The following YY1AP1 variants were observed in gnomAD, a reference collection of about 807,000 sequenced individuals.
YY1AP1 encodes YY1-associated protein 1.
Under a neutral mutation model 39.9 loss-of-function variants are expected in YY1AP1, and 43 were observed. The observed-to-expected ratio is 1.08, with a 90% CI of 0.84 to 1.39. The LOEUF is 1.39. YY1AP1 is among the 40% of genes most tolerant of loss of function. YY1AP1 has a pLI of 0.00. For synonymous variants in YY1AP1, 292 were observed against 331.3 expected (o/e 0.88, Z 1.29); for missense variants, 813 against 900.7 (o/e 0.90, Z 1.25).
Position 155,670,428 on chromosome 1 carries a change from C to G in YY1AP1, c.620G>C (p.Trp207Ser). 3 of 1,614,154 alleles carry G rather than the reference C, an allele frequency of 1.9e-6. No homozygotes were observed. Among genetic ancestry groups the G allele is most frequent in the Non-Finnish European group, 2.5e-6 (3 of 1,180,038 alleles). ...EFPCLPKQVA[W>S]ILATSKVFMY... ...GAAAACCTTGCTTGTGGCCAGGATC[C>G]AAGCCACTTGCTTTGGCAAACAGGG... is the stretch of plus-strand genomic sequence containing the variant. The change falls in exon 8 of 11, where the codon TGG (tryptophan) becomes TCG (serine). Residue 207 changes from tryptophan (W) to serine (S), a missense_variant. This residue lies in a region of YY1AP1 where 31 missense variants were observed against 63.7 expected (regional missense o/e 0.49). Coordinates refer to ENST00000355499, the MANE Select transcript of YY1AP1 (RefSeq NM_139119.3).
intron 8 of YY1AP1, among the ~76,000 whole-genome samples, chr1:155,669,952 G>C (rs1649599006): frequency 6.6e-6 from 1 of 152,188 alleles, no homozygotes; most frequent in South Asian, 2.1e-4. Context: ...TTGATCCCAG[G>C]AGTTCAAGGC....
rs1012786980 is a variant in YY1AP1, at chr1:155,660,902, T to C, written c.1008A>G (p.Pro336=). 2 of 1,614,072 alleles carry C rather than the reference T, an allele frequency of 1.2e-6. No homozygotes were observed. The highest frequency in any genetic ancestry group is 1.7e-6 in the Non-Finnish European group (2 of 1,180,050). The change falls in exon 11 of 11, where the codon CCA becomes CCG. Residue 336 remains proline (P), a synonymous_variant. Coordinates refer to ENST00000355499, the MANE Select transcript of YY1AP1 (RefSeq NM_139119.3). The stretch of plus-strand genomic sequence containing the variant: ...TGTGCCGCAGTTCTTCCTGGATGGA[T>C]GGCAGACTGGCCTATTGGAAATGAG... ...RLPFWLKASL[P]SIQEELRHMA...
intron 3 of YY1AP1, 129 bp downstream of exon 3, chr1:155,680,287 T>G: frequency 2.0e-6 from 2 of 1,013,434 alleles, no homozygotes; most frequent in South Asian, 2.9e-5. Context: ...TTATATTCTT[T>G]CCCAGGTAGA....
chr1:155,688,004 A>G (rs1652765255), intron 2 of YY1AP1, 67 bp downstream of exon 2: 17 of 1,490,462 alleles, frequency 1.1e-5, no homozygotes, highest in Non-Finnish European at 1.5e-5. Flanking sequence ...TGGCTCCCAG[A>G]AAGCCCAGGA....
chr1:155,675,319 T>C (rs748626048), intron 5 of YY1AP1, among the ~76,000 whole-genome samples: 13 of 151,158 alleles, frequency 8.6e-5, no homozygotes, highest in Non-Finnish European at 1.6e-4. Flanking sequence ...GGCTAATTTA[T>C]TTTATTATTA....
At chr1:155,688,416 C>T in intron 1 of YY1AP1, 2 of 1,545,990 alleles carry the variant, frequency 1.3e-6, no homozygotes, top group Non-Finnish European at 1.7e-6. Flanking sequence ...CCACTCCTCC[C>T]TCCTCGCGTT....
chr1:155,659,731 A>G lies in YY1AP1; in HGVS notation c.2179T>C (p.Ser727Pro), dbSNP rs556811436. 3 of 1,614,160 alleles carry G rather than the reference A, an allele frequency of 1.9e-6. No individual in the cohort carries two copies. Among genetic ancestry groups the G allele is most frequent in the African/African-American group, 2.7e-5 (2 of 75,024 alleles). ...QGIQESLNNS[S>P]PGDLEEVVKM... is the part of the protein sequence containing the mutation. ...ACAACTTCCTCTAAATCCCCAGGGGAAGAGTTGTTTAGAGACTCCTGGATG... is the reference window on the plus strand; with the variant it reads ...ACAACTTCCTCTAAATCCCCAGGGGGAGAGTTGTTTAGAGACTCCTGGATG... The change falls in exon 11 of 11, where the codon TCC becomes CCC. Residue 727 changes from serine to proline, a missense_variant. Ser to Pro is a moderately conservative substitution (Grantham distance 74). This residue lies in a region of YY1AP1 where 586 missense variants were observed against 647.4 expected (regional missense o/e 0.91). Transcript: ENST00000355499.
At position 155,660,309 on chromosome 1, in the gene YY1AP1, C is replaced by T. The variant is rs1263620232; in HGVS notation, c.1601G>A (p.Arg534Lys). ...GATACAGCGAAAGGCCCTGGCTCCCCTTCTTTTTGAGGGTCTCCGTCTCAC... is the reference window on the plus strand; with the variant it reads ...GATACAGCGAAAGGCCCTGGCTCCCTTTCTTTTTGAGGGTCTCCGTCTCAC... The part of the protein sequence containing the change: ...PYVRRRPSKR[R>K]GARAFRCIKP... The change falls in exon 11 of 11, where the codon AGG (arginine) becomes AAG (lysine). Residue 534 changes from arginine to lysine, a missense_variant. Around this residue, in one of 3 missense-constraint regions of YY1AP1, gnomAD observed 586 missense variants for 647.4 expected, o/e 0.91. Coordinates refer to ENST00000355499, the MANE Select transcript of YY1AP1 (RefSeq NM_139119.3). 1 of 1,614,170 alleles carries T rather than the reference C, an allele frequency of 6.2e-7. No individual in the cohort carries two copies. The highest frequency in any genetic ancestry group is 8.5e-7 in the Non-Finnish European group (1 of 1,180,020).
At chr1:155,672,023 G>A (rs1649935169) in intron 7 of YY1AP1, among the ~76,000 whole-genome samples, 1 of 152,154 alleles carries the variant, frequency 6.6e-6, no homozygotes, top group South Asian at 2.1e-4. Context: ...CCAATGCAAG[G>A]TAGAATCTAA....
intron 5 of YY1AP1, 114 bp from the exon 6 acceptor site, chr1:155,675,210 G>T: frequency 1.1e-6 from 1 of 920,924 alleles, no homozygotes. Flanking sequence ...ACACAGCTTG[G>T]AGTGCAGTGG....
intron 6 of YY1AP1, 96 bp downstream of exon 6, chr1:155,674,914 G>T: frequency 9.3e-7 from 1 of 1,078,498 alleles, no homozygotes; most frequent in Non-Finnish European, 1.4e-6. Context: ...GGAAGCCACA[G>T]CAATCAAAAA....
rs1651335951 is a variant in YY1AP1, at chr1:155,680,324, C to T, written c.21+92G>A. On this transcript the variant is annotated intron_variant, in intron 3 of 10. Coordinates refer to ENST00000355499, the MANE Select transcript of YY1AP1 (RefSeq NM_139119.3). ...TAAAAGGAGAATTGGTTCAGTCCCTCTTCTAGAAGGAGCATCACAGAGATC... is the reference window on the plus strand; with the variant it reads ...TAAAAGGAGAATTGGTTCAGTCCCTTTTCTAGAAGGAGCATCACAGAGATC... 10 of 1,455,938 alleles carry T rather than the reference C, an allele frequency of 6.9e-6. No individual in the cohort carries two copies. The South Asian group carries it at 1.0e-4, about 15-fold the overall frequency. 90.2% of individuals were successfully genotyped at this position (1,455,938 alleles called of 1,614,324 possible). A position where few individuals can be genotyped will look rare whatever the true frequency, so the allele number is the denominator to read the frequency against.
intron 6 of YY1AP1, 191 bp downstream of exon 6, chr1:155,674,819 C>A: frequency 2.0e-6 from 1 of 488,388 alleles, no homozygotes; most frequent in Non-Finnish European, 3.7e-6. Context: ...GAGCAAGACC[C>A]TGTCTCAAAA....
intron 7 of YY1AP1, 122 bp downstream of exon 7, chr1:155,672,438 A>G: frequency 1.9e-6 from 2 of 1,060,674 alleles, no homozygotes; most frequent in South Asian, 1.3e-5. Flanking sequence ...AGAAGGAAGA[A>G]ATTACAAATG....
chr1:155,664,303 T>C (rs1271478445), intron 9 of YY1AP1, among the ~76,000 whole-genome samples: 1 of 152,140 alleles, frequency 6.6e-6, no homozygotes, highest in Admixed American at 6.6e-5. Context: ...ATTATATTCA[T>C]AGGAAATTGC....
At chr1:155,686,135 C>T (rs1397018101) in intron 2 of YY1AP1, among the ~76,000 whole-genome samples, 6 of 148,916 alleles carry the variant, frequency 4.0e-5, no homozygotes, top group African/African-American at 1.5e-4. Context: ...CCCGGGTTCA[C>T]GCCATTCTCC....
chr1:155,683,270 C>T (rs1286857243), intron 2 of YY1AP1, among the ~76,000 whole-genome samples: 1 of 152,018 alleles, frequency 6.6e-6, no homozygotes, highest in African/African-American at 2.4e-5. Flanking sequence ...TATCTTAGTA[C>T]CTGGAATAGT....
At chr1:155,677,759 C>G (rs557274841) in intron 4 of YY1AP1, among the ~76,000 whole-genome samples, 1 of 152,230 alleles carries the variant, frequency 6.6e-6, no homozygotes, top group South Asian at 2.1e-4. Flanking sequence ...ATTTGAACAT[C>G]CGCGCTACCA....
At position 155,679,479 on chromosome 1, in the gene YY1AP1, C is replaced by T. The variant is rs766168784; in HGVS notation, c.55G>A (p.Asp19Asn). 6.2e-7 allele frequency: 1 copy of T among 1,614,208 alleles called. No individual in the cohort carries two copies. Among genetic ancestry groups the T allele is most frequent in the South Asian group, 1.1e-5 (1 of 91,080 alleles). ...CGCTCCTCCTCTTCTGGGCCATCAT[C>T]TTCCATGTTGGAGAATCCCATCTCA... ...QDEMGFSNME[D>N]DGPEEEERVA... Residue 19 changes from aspartate (D) to asparagine (N), a missense_variant, in exon 4 of 11, where the codon GAT becomes AAT. This residue lies in a region of YY1AP1 where 196 missense variants were observed against 189.7 expected (regional missense o/e 1.03). Coordinates refer to ENST00000355499, the MANE Select transcript of YY1AP1 (RefSeq NM_139119.3).
Sources: gnomAD v4.1 joint callset for allele counts (sites outside exome capture counted in the v4.1 genomes callset) on GRCh38, gnomAD v4.1.1 for gene constraint, gnomAD v4.1.1 regional missense constraint, MANE v1.5 for transcripts, NCBI Gene and HGNC (gene_info 2026-07-23, HGNC 2026-07-21) for gene names.